The following CSMD1 variants were observed in gnomAD, a reference collection of about 807,000 sequenced individuals.
The protein encoded by CSMD1 is CUB and Sushi multiple domains 1.
Under a neutral mutation model 417.5 loss-of-function variants are expected in CSMD1, and 213 were observed. The ratio of observed to expected loss-of-function variants is 0.51; its 90% CI spans 0.46 to 0.57. The LOEUF (loss-of-function observed/expected upper bound fraction) is 0.57. Among genes scored for constraint, CSMD1 ranks in the 20% least tolerant of loss-of-function variants. The probability of loss-of-function intolerance (pLI) is 0.00; values close to 1 mark genes in which losing one functional copy is unlikely to be tolerated. For synonymous variants in CSMD1, 2,862 were observed against 1,736.8 expected (o/e 1.65, Z -16.11); for missense variants, 6,923 against 4,529.7 (o/e 1.53, Z -15.17).
At chr8:3,000,607 C>A (rs1307941241) in intron 52 of CSMD1, among the ~76,000 whole-genome samples, 2 of 152,072 alleles carry the variant, frequency 1.3e-5, no homozygotes, top group Non-Finnish European at 2.9e-5. Flanking sequence ...AGACAGGGAT[C>A]AGAGAATAAG....
chr8:4,043,997 A>G (rs181326727), intron 3 of CSMD1, among the ~76,000 whole-genome samples: 1 of 151,336 alleles, frequency 6.6e-6, no homozygotes, highest in Non-Finnish European at 1.5e-5. Flanking sequence ...CTGTAATGTC[A>G]GAAAGAAATA....
At chr8:3,438,609 A>G (rs1814729773) in intron 12 of CSMD1, among the ~76,000 whole-genome samples, 1 of 152,132 alleles carries the variant, frequency 6.6e-6, no homozygotes, top group South Asian at 2.1e-4. Flanking sequence ...GTGGGATTTC[A>G]TGGTCTAGAT....
chr8:4,544,663 T>G (rs1347416606), intron 2 of CSMD1, among the ~76,000 whole-genome samples: 1 of 152,194 alleles, frequency 6.6e-6, no homozygotes, highest in African/African-American at 2.4e-5. Flanking sequence ...ATTAACGTAT[T>G]CCATGTCCAG....
rs116394772 is a variant in CSMD1 at position 4,482,752 on chromosome 8, C to A, written c.303-62687G>T. Among the ~76,000 whole-genome samples, 1,261 of 152,238 alleles carry A rather than the reference C, an allele frequency of 8.3e-3. 12 individuals are homozygous for A. Among genetic ancestry groups the A allele is most frequent in the African/African-American group, 0.029 (1,185 of 41,538 alleles). Reference sequence around the variant, plus strand: ...TCCTTTTTAGCCACAACCTTGCCAGCATCTGTTATTTTTTGACTTGTTTAA... The same window carrying A: ...TCCTTTTTAGCCACAACCTTGCCAGAATCTGTTATTTTTTGACTTGTTTAA... On this transcript the variant is annotated intron_variant, in intron 2 of 69. Coordinates refer to ENST00000635120, the MANE Select transcript of CSMD1 (RefSeq NM_033225.6).
chr8:3,986,759 ATT>A (rs1491581589), intron 5 of CSMD1, among the ~76,000 whole-genome samples: 2 of 151,344 alleles, frequency 1.3e-5, no homozygotes, highest in African/African-American at 2.4e-5. Flanking sequence ...TGTTTAAGTG[ATT>A]TTTCTTTTTT....
intron 5 of CSMD1, among the ~76,000 whole-genome samples, chr8:3,844,508 T>A (rs1157704363): frequency 6.6e-6 from 1 of 152,178 alleles, no homozygotes; most frequent in African/African-American, 2.4e-5. Flanking sequence ...TGACTAACCG[T>A]AACTTCATCA....
chr8:4,912,845 G>C (rs1397639172), intron 1 of CSMD1, among the ~76,000 whole-genome samples: 1 of 152,100 alleles, frequency 6.6e-6, no homozygotes, highest in Non-Finnish European at 1.5e-5. Flanking sequence ...GAGTGCAGTG[G>C]TGCAACCTTG....
At chr8:3,680,263 A>T (rs989773092) in intron 7 of CSMD1, among the ~76,000 whole-genome samples, 1 of 152,136 alleles carries the variant, frequency 6.6e-6, no homozygotes, top group Non-Finnish European at 1.5e-5. Context: ...TTTTTTGAAA[A>T]GATCAACAAA....
At chr8:3,426,367 A>C (rs971073028) in intron 12 of CSMD1, among the ~76,000 whole-genome samples, 2 of 152,198 alleles carry the variant, frequency 1.3e-5, no homozygotes, top group Non-Finnish European at 2.9e-5. Context: ...ACTCATAGAT[A>C]CTTGGAACTC....
chr8:3,221,072 G>T (rs561060503), intron 28 of CSMD1, among the ~76,000 whole-genome samples: 1 of 152,216 alleles, frequency 6.6e-6, no homozygotes, highest in East Asian at 1.9e-4. Context: ...TGTTCTAGGT[G>T]GCTCCACTTG....
chr8:3,232,342 G>C (rs1798890213), intron 26 of CSMD1, among the ~76,000 whole-genome samples: 1 of 152,146 alleles, frequency 6.6e-6, no homozygotes, highest in Non-Finnish European at 1.5e-5. Context: ...CATATTGCAA[G>C]TTCTGTGACT....
chr8:4,327,108 A>C (rs2128888303), intron 3 of CSMD1, among the ~76,000 whole-genome samples: 1 of 152,302 alleles, frequency 6.6e-6, no homozygotes, highest in Non-Finnish European at 1.5e-5. Context: ...AGGAGAGGGG[A>C]ATCCAGCTGT....
chr8:3,832,114 G>A (rs1802413638), intron 5 of CSMD1, among the ~76,000 whole-genome samples: 1 of 152,066 alleles, frequency 6.6e-6, no homozygotes, highest in Admixed American at 6.6e-5. Flanking sequence ...GTGCATGTGG[G>A]CAAACAGTAA....
At chr8:4,385,364 CG>C (rs1262327625) in intron 3 of CSMD1, among the ~76,000 whole-genome samples, 1 of 152,226 alleles carries the variant, frequency 6.6e-6, no homozygotes, top group Non-Finnish European at 1.5e-5. Flanking sequence ...AAATAACCGA[CG>C]TGGCCCCAGC....
intron 2 of CSMD1, among the ~76,000 whole-genome samples, chr8:4,445,849 A>G (rs1365063269): frequency 5.3e-5 from 8 of 152,238 alleles, no homozygotes; most frequent in Non-Finnish European, 1.0e-4. Flanking sequence ...AACATCTTCA[A>G]TGCAGAAGTG....
chr8:4,707,685 C>T (rs572898164), intron 1 of CSMD1, among the ~76,000 whole-genome samples: 6 of 151,588 alleles, frequency 4.0e-5, no homozygotes, highest in Non-Finnish European at 5.9e-5. Flanking sequence ...TCAGGAGTTC[C>T]AGACCAGCCT....
At position 3,147,567 on chromosome 8, in the gene CSMD1, T is replaced by C. The variant is rs115005193; in HGVS notation, c.6031+3830A>G. 8.7e-4 allele frequency among the ~76,000 whole-genome samples: 133 copies of C among 152,304 alleles called. 1 individual carries two copies. Among genetic ancestry groups the C allele is most frequent in the African/African-American group, 3.1e-3 (127 of 41,562 alleles). The stretch of plus-strand genomic sequence containing the variant: ...ATTTAGGAAAGAGACCACGGGAAGC[T>C]ACATTGTAACAGCACAACCGCCATT... On this transcript the variant is annotated intron_variant, in intron 40 of 69. Transcript: ENST00000635120.
intron 5 of CSMD1, among the ~76,000 whole-genome samples, chr8:3,829,246 T>C (rs1195658744): frequency 1.3e-5 from 2 of 152,256 alleles, no homozygotes; most frequent in South Asian, 2.1e-4. Flanking sequence ...TCCTCATAGC[T>C]TAGCTCCCAC....
chr8:3,671,913 T>C (rs1462676530), intron 7 of CSMD1, among the ~76,000 whole-genome samples: 1 of 152,122 alleles, frequency 6.6e-6, no homozygotes, highest in East Asian at 1.9e-4. Context: ...CTGTCCTGTG[T>C]CGTTAGCCTG....
Sources: gnomAD v4.1 joint callset for allele counts (sites outside exome capture counted in the v4.1 genomes callset) on GRCh38, gnomAD v4.1.1 for gene constraint, MANE v1.5 for transcripts, NCBI Gene and HGNC (gene_info 2026-07-23, HGNC 2026-07-21) for gene names.